DLG2: variants seen among roughly 807,000 people sequenced by gnomAD.
The protein encoded by DLG2 is discs large MAGUK scaffold protein 2, also known as disks large homolog 2.
In DLG2, 45 loss-of-function variants were observed where a neutral mutation model predicts 132.5. The ratio of observed to expected loss-of-function variants is 0.34; its 90% CI spans 0.27 to 0.44. DLG2 has a LOEUF of 0.44. DLG2 is among the 20% of genes least tolerant of loss of function. The probability of loss-of-function intolerance (pLI) is 1.00; values close to 1 mark genes in which losing one functional copy is unlikely to be tolerated. For synonymous variants in DLG2, 424 were observed against 419.6 expected, an observed-to-expected ratio of 1.01 and a Z score of -0.13; for missense variants, 1,045 against 1,196.9, an observed-to-expected ratio of 0.87 and a Z score of 1.87.
intron 3 of DLG2, among the ~76,000 whole-genome samples, chr11:85,305,317 A>C (rs1272634657): frequency 6.6e-6 from 1 of 152,168 alleles, no homozygotes; most frequent in African/African-American, 2.4e-5. Flanking sequence ...GATTGGTATA[A>C]AGCAGCGATT....
chr11:84,797,419 T>A (rs1469766922), intron 6 of DLG2, among the ~76,000 whole-genome samples: 1 of 152,200 alleles, frequency 6.6e-6, no homozygotes, highest in Non-Finnish European at 1.5e-5. Flanking sequence ...TTCTTTTTTG[T>A]ATGTTTGTTT....
At chr11:83,607,897 T>C (rs898143749) in intron 19 of DLG2, among the ~76,000 whole-genome samples, 4 of 152,324 alleles carry the variant, frequency 2.6e-5, no homozygotes, top group South Asian at 2.1e-4. Flanking sequence ...TAAATTTACA[T>C]GGAGTTTAAG....
At chr11:84,885,199 G>A (rs1201851358) in intron 6 of DLG2, among the ~76,000 whole-genome samples, 2 of 151,714 alleles carry the variant, frequency 1.3e-5, no homozygotes, top group Non-Finnish European at 2.9e-5. Context: ...TTTGCATACT[G>A]GAGGACAAAT....
At chr11:85,020,933 A>C in intron 6 of DLG2, 1 of 772,842 alleles carries the variant, frequency 1.3e-6, no homozygotes. Flanking sequence ...CACCGCCCTC[A>C]GACTCCAACT....
In DLG2 at chr11:84,250,258, C is replaced by G. The variant is rs142844627; in HGVS notation, c.573+980G>C. On this transcript the variant is annotated intron_variant, in intron 8 of 27. Transcript: ENST00000376104. ...CTCTCTTTAAATGGCCATGTGCTTT[C>G]TATTCCCCACAGGCCCCACTCTGAC... Among the ~76,000 whole-genome samples, 186 of 152,298 alleles carry G rather than the reference C, an allele frequency of 1.2e-3. 1 individual carries two copies. The highest frequency in any genetic ancestry group is 4.2e-3 in the African/African-American group (175 of 41,568).
At chr11:85,467,412 T>C (rs564147884) in intron 3 of DLG2, among the ~76,000 whole-genome samples, 5 of 152,258 alleles carry the variant, frequency 3.3e-5, no homozygotes, top group South Asian at 2.1e-4. Flanking sequence ...ATGCTTCCAG[T>C]TTTTGCCCAT....
chr11:84,026,761 T>C (rs12791771), intron 11 of DLG2, among the ~76,000 whole-genome samples: 3,410 of 152,094 alleles, frequency 0.022, 70 homozygotes, highest in Middle Eastern at 0.034. Flanking sequence ...TAATGGAACA[T>C]AGGCTTTGGA....
At chr11:85,236,813 G>A (rs535459862) in intron 4 of DLG2, among the ~76,000 whole-genome samples, 2 of 152,116 alleles carry the variant, frequency 1.3e-5, no homozygotes, top group South Asian at 4.1e-4. Flanking sequence ...TCAAAAAGTG[G>A]ACTGAGACCT....
intron 7 of DLG2, among the ~76,000 whole-genome samples, chr11:84,275,356 A>AT (rs11342389): frequency 6.0e-5 from 9 of 149,422 alleles, no homozygotes; most frequent in East Asian, 2.0e-4. Flanking sequence ...ATGTGCTATA[A>AT]TTTTTTTTTT....
chr11:84,109,229 G>A (rs1375693954), intron 9 of DLG2, among the ~76,000 whole-genome samples: 1 of 152,118 alleles, frequency 6.6e-6, no homozygotes, highest in Non-Finnish European at 1.5e-5. Flanking sequence ...AAATAGGGTG[G>A]GTTATTGCAG....
At chr11:84,849,272 ATATTT>A (rs1320921853) in intron 6 of DLG2, among the ~76,000 whole-genome samples, 1 of 152,194 alleles carries the variant, frequency 6.6e-6, no homozygotes, top group African/African-American at 2.4e-5. Flanking sequence ...TTAAGCAATT[ATATTT>A]TAGAGTAGTT....
At chr11:84,667,551 C>T (rs914827966) in intron 6 of DLG2, among the ~76,000 whole-genome samples, 6 of 133,164 alleles carry the variant, frequency 4.5e-5, no homozygotes, top group African/African-American at 1.7e-4. Context: ...GGCTGGAGTA[C>T]AGTGGTGCGA....
chr11:84,452,145 A>C (rs144778195), intron 7 of DLG2, among the ~76,000 whole-genome samples: 187 of 151,368 alleles, frequency 1.2e-3, no homozygotes, highest in African/African-American at 4.4e-3. Flanking sequence ...GAGGAGGAGG[A>C]GATGAGGAAG....
intron 6 of DLG2, among the ~76,000 whole-genome samples, chr11:85,009,110 G>A (rs895335265): frequency 3.3e-5 from 5 of 151,886 alleles, no homozygotes; most frequent in Non-Finnish European, 4.4e-5. Flanking sequence ...TAGAGGAAAA[G>A]GTAAGGTCAA....
At chr11:83,494,994 C>G (rs1461809745) in intron 21 of DLG2, among the ~76,000 whole-genome samples, 1 of 152,086 alleles carries the variant, frequency 6.6e-6, no homozygotes. Flanking sequence ...ACTGATCAGA[C>G]CCTTTTACAT....
chr11:83,844,685 G>A (rs1394961396), intron 16 of DLG2, among the ~76,000 whole-genome samples: 5 of 152,068 alleles, frequency 3.3e-5, no homozygotes, highest in South Asian at 2.1e-4. Context: ...CACCTGAGTC[G>A]TAGAAGAAAG....
intron 16 of DLG2, among the ~76,000 whole-genome samples, chr11:83,873,815 A>C (rs2063969481): frequency 1.3e-5 from 2 of 152,148 alleles, no homozygotes; most frequent in South Asian, 4.1e-4. Context: ...TCTTTTCAGG[A>C]ACCAACATGA....
At chr11:85,220,637 A>AAAAATATATATATATATAT (rs371263007) in intron 4 of DLG2, among the ~76,000 whole-genome samples, 1 of 148,260 alleles carries the variant, frequency 6.7e-6, no homozygotes, top group African/African-American at 2.5e-5. Context: ...TAGAAAAAAA[A>AAAAATATATATATATATAT]ATATATATAT....
At chr11:85,134,394 T>G (rs796219745) in intron 5 of DLG2, among the ~76,000 whole-genome samples, 2 of 149,206 alleles carry the variant, frequency 1.3e-5, no homozygotes, top group Admixed American at 1.3e-4. Context: ...CCGGGCGTAG[T>G]GGCGGGCGCC....
Sources: allele counts gnomAD v4.1 joint callset (sites outside exome capture counted in the v4.1 genomes callset), GRCh38; gene constraint gnomAD v4.1.1; transcripts MANE v1.5; gene names NCBI Gene and HGNC (gene_info 2026-07-23, HGNC 2026-07-21).